ODAD1: variants seen among roughly 807,000 people sequenced by gnomAD.
The protein encoded by ODAD1 is outer dynein arm-docking complex subunit 1.
In ODAD1, 49 loss-of-function variants were observed where a neutral mutation model predicts 67.2. The observed-to-expected ratio is 0.73, with a 90% CI of 0.58 to 0.92. The LOEUF (loss-of-function observed/expected upper bound fraction) is 0.92, where lower values mean the gene tolerates loss of function less well. Among genes scored for constraint, ODAD1 ranks in the 40% least tolerant of loss-of-function variants. The pLI is 0.00. For synonymous variants in ODAD1, 345 were observed against 393.7 expected, an observed-to-expected ratio of 0.88 and a Z score of 1.46; for missense variants, 897 against 953.7, an observed-to-expected ratio of 0.94 and a Z score of 0.78.
At chr19:48,312,339 C>T (rs1968783924) in intron 5 of ODAD1, among the ~76,000 whole-genome samples, 1 of 151,762 alleles carries the variant, frequency 6.6e-6, no homozygotes, top group South Asian at 2.1e-4. Flanking sequence ...GGTCTGGACA[C>T]TCACAGGGAT....
rs1457975550 is a variant in ODAD1, at chr19:48,311,639, C to A, written c.511G>T (p.Val171Leu). 6.4e-7 allele frequency: 1 copy of A among 1,550,772 alleles called. No homozygotes were observed. The highest frequency in any genetic ancestry group is 1.4e-5 in the African/African-American group (1 of 73,008). Reference protein sequence around the residue: ...RVTCHFDNQLVRNAALREELD... With the variant: ...RVTCHFDNQLLRNAALREELD... Reference sequence around the variant, plus strand: ...TCCTCCCGCAGGGCCGCATTCCGTACCAGCTGGTTGTCAAAGTGACAGGTG... The same window carrying A: ...TCCTCCCGCAGGGCCGCATTCCGTAACAGCTGGTTGTCAAAGTGACAGGTG... Residue 171 changes from valine (V) to leucine (L), a missense_variant, in exon 7 of 16, where the codon GTA becomes TTA. Val to Leu is a conservative substitution (Grantham distance 32, BLOSUM62 1). Coordinates refer to ENST00000674294, the MANE Select transcript of ODAD1 (RefSeq NM_001364171.2).
chr19:48,313,249 C>T (rs747196872), intron 5 of ODAD1, among the ~76,000 whole-genome samples: 1 of 151,844 alleles, frequency 6.6e-6, no homozygotes, highest in Non-Finnish European at 1.5e-5. Context: ...GCCAACATGG[C>T]GAAACCCCAC....
rs1968503649 is a variant in ODAD1, at chr19:48,302,787, A to G, written c.1147T>C (p.Leu383=). Reference sequence around the variant, plus strand: ...TGCACCTTGTCCATGCGCTGCTGCAACACCTTCTGCTGCTGCTCCTGCAGC... The same window carrying G: ...TGCACCTTGTCCATGCGCTGCTGCAGCACCTTCTGCTGCTGCTCCTGCAGC... ...HLLQEQQQKV[L]QQRMDKVHSE... Residue 383 remains leucine, a synonymous_variant, in exon 12 of 16, where the codon TTG becomes CTG. Transcript: ENST00000674294. The G allele has an allele frequency of 6.2e-7, 1 of 1,613,836 alleles. No homozygotes were observed. Among genetic ancestry groups the G allele is most frequent in the Admixed American group, 1.7e-5 (1 of 59,990 alleles).
intron 5 of ODAD1, 80 bp from the exon 6 acceptor site, chr19:48,312,196 A>C: frequency 9.5e-7 from 1 of 1,057,580 alleles, no homozygotes; most frequent in Non-Finnish European, 1.4e-6. Flanking sequence ...ATGAGTCACT[A>C]AGCATGGCAA....
chr19:48,320,067 A>G, intron 3 of ODAD1: 2 of 1,060,828 alleles, frequency 1.9e-6, no homozygotes, highest in Non-Finnish European at 2.3e-6. Context: ...TCCTACAGGG[A>G]GTTCTGGGCC....
chr19:48,310,797 C>T (rs914945334), intron 7 of ODAD1, among the ~76,000 whole-genome samples: 1 of 152,188 alleles, frequency 6.6e-6, no homozygotes, highest in Non-Finnish European at 1.5e-5. Flanking sequence ...AAAGTCAAGA[C>T]CGGACGCAGT....
intron 10 of ODAD1, 94 bp downstream of exon 10, chr19:48,303,556 G>T: frequency 6.8e-7 from 1 of 1,473,124 alleles, no homozygotes; most frequent in Admixed American, 1.8e-5. Flanking sequence ...ACAGATGGAG[G>T]AGTTCCCCAG....
chr19:48,296,936 C>G lies in ODAD1; in HGVS notation c.*40G>C, dbSNP rs1319147231. 1 of 1,522,496 alleles carries G rather than the reference C, an allele frequency of 6.6e-7. No homozygotes were observed. The highest frequency in any genetic ancestry group is 1.4e-5 in the African/African-American group (1 of 71,788). The allele number at this position is 1,522,496 out of a possible 1,614,324, so 94.3% of individuals were successfully genotyped here. ...AGTAGAGACACAAAAAAAGACCCCA[C>G]AGAGAGCCAGGGCAGGGTGGGGGCT... On this transcript the variant is annotated 3_prime_UTR_variant, in exon 16 of 16. Coordinates refer to ENST00000674294, the MANE Select transcript of ODAD1 (RefSeq NM_001364171.2).
chr19:48,318,142 C>T (rs1034530170), intron 5 of ODAD1, among the ~76,000 whole-genome samples: 2 of 152,164 alleles, frequency 1.3e-5, no homozygotes, highest in Admixed American at 6.5e-5. Context: ...CAGGCATGTG[C>T]CACCATGCCT....
rs1969036554 is a variant in ODAD1, at chr19:48,321,877, G to C, written c.-263C>G. On this transcript the variant is annotated 5_prime_UTR_variant, in exon 1 of 16. Coordinates refer to ENST00000674294, the MANE Select transcript of ODAD1 (RefSeq NM_001364171.2). ...GCGCGGAGAAGGAGCGCTCAACACAGCCTCAGCGGTTCACTACGCAAGCGC... is the reference window on the plus strand; with the variant it reads ...GCGCGGAGAAGGAGCGCTCAACACACCCTCAGCGGTTCACTACGCAAGCGC... 1.5e-5 allele frequency: 6 copies of C among 398,316 alleles called. No individual in the cohort carries two copies. The allele number at this position is 398,316 out of a possible 1,614,324, so 24.7% of individuals were successfully genotyped here. A position where few individuals can be genotyped will look rare whatever the true frequency, so the allele number is the denominator to read the frequency against.
intron 7 of ODAD1, among the ~76,000 whole-genome samples, chr19:48,307,650 C>T (rs141275350): frequency 0.019 from 2,961 of 151,958 alleles, 42 homozygotes; most frequent in Non-Finnish European, 0.031. Flanking sequence ...CCCGTCTCTA[C>T]TAAAAATACA....
rs555763036 is a variant in ODAD1 at position 48,298,683 on chromosome 19, A to C, written c.1241-343T>G. On this transcript the variant is annotated intron_variant, in intron 12 of 15. Transcript: ENST00000674294. Reference sequence around the variant, plus strand: ...CTGCTCTTCCTATCTTGAAAATCTCAGCAATTTTTTAACAAGGGGCCCCTC... The same window carrying C: ...CTGCTCTTCCTATCTTGAAAATCTCCGCAATTTTTTAACAAGGGGCCCCTC... 6.5e-4 allele frequency among the ~76,000 whole-genome samples: 99 copies of C among 152,240 alleles called. No individual in the cohort carries two copies. The Middle Eastern group carries it at 0.017, about 26-fold the overall frequency.
At chr19:48,305,792 G>T (rs1236659663) in intron 8 of ODAD1, among the ~76,000 whole-genome samples, 1 of 151,964 alleles carries the variant, frequency 6.6e-6, no homozygotes, top group African/African-American at 2.4e-5. Context: ...GGGGTGCAAT[G>T]GCTCATGCCT....
chr19:48,310,915 T>TAA (rs774945356), intron 7 of ODAD1, among the ~76,000 whole-genome samples: 2 of 140,420 alleles, frequency 1.4e-5, no homozygotes. Context: ...TGTCCCTACT[T>TAA]AAAAAAAAAA....
At chr19:48,314,929 G>A (rs1045469723) in intron 5 of ODAD1, among the ~76,000 whole-genome samples, 1 of 151,776 alleles carries the variant, frequency 6.6e-6, no homozygotes, top group Admixed American at 6.6e-5. Flanking sequence ...CTGGGTGACT[G>A]AGCGAGACTC....
chr19:48,312,751 T>C (rs1968799153), intron 5 of ODAD1, among the ~76,000 whole-genome samples: 1 of 151,934 alleles, frequency 6.6e-6, no homozygotes. Flanking sequence ...GGGAAGCACA[T>C]GAGATGGAAG....
intron 15 of ODAD1, 22 bp from the exon 16 acceptor site, chr19:48,297,540 C>A: frequency 6.3e-7 from 1 of 1,597,344 alleles, no homozygotes; most frequent in Admixed American, 1.7e-5. Flanking sequence ...GTGAACTGGG[C>A]CCCGACACAC....
chr19:48,320,138 C>T (rs1274741027), intron 3 of ODAD1, 161 bp downstream of exon 3: 5 of 935,110 alleles, frequency 5.3e-6, no homozygotes, highest in Admixed American at 4.5e-5. Flanking sequence ...CTTGGCCCAC[C>T]CACCGTGGTG....
At chr19:48,311,180 C>G (rs540331472) in intron 7 of ODAD1, among the ~76,000 whole-genome samples, 122 of 152,182 alleles carry the variant, frequency 8.0e-4, no homozygotes, top group Non-Finnish European at 1.4e-3. Flanking sequence ...TCACTGTGCT[C>G]CAGCCTGGAC....
Sources: gnomAD v4.1 joint callset for allele counts (sites outside exome capture counted in the v4.1 genomes callset) on GRCh38, gnomAD v4.1.1 for gene constraint, MANE v1.5 for transcripts, NCBI Gene and HGNC (gene_info 2026-07-23, HGNC 2026-07-21) for gene names.